CTNNA2: variants seen among roughly 807,000 people sequenced by gnomAD.
CTNNA2 encodes the protein catenin alpha-2.
CTNNA2 carries 42 observed loss-of-function variants against 101.0 expected under a neutral mutation model. The ratio of observed to expected loss-of-function variants is 0.42; its 90% CI spans 0.32 to 0.54. The LOEUF (loss-of-function observed/expected upper bound fraction) is 0.54. CTNNA2 is among the 20% of genes least tolerant of loss of function. The probability of loss-of-function intolerance (pLI) is 0.14; values close to 1 mark genes in which losing one functional copy is unlikely to be tolerated. For synonymous variants in CTNNA2, 450 were observed against 456.4 expected (o/e 0.99, Z 0.18); for missense variants, 871 against 1,223.1 (o/e 0.71, Z 4.29).
Position 79,749,072 on chromosome 2 carries a change from C to T in CTNNA2, c.298+4490C>T, listed in dbSNP as rs79992584. ...GCATGCAGTTCATATAGTACTTTCA[C>T]GTATCACCATTTACCTAACAACTTT... On this transcript the variant is annotated intron_variant, in intron 3 of 18. Transcript: ENST00000402739. 7.4e-3 allele frequency among the ~76,000 whole-genome samples: 1,130 copies of T among 152,214 alleles called. 27 individuals carry two copies. The highest frequency in any genetic ancestry group is 0.067 in the South Asian group (323 of 4,820).
intron 2 of CTNNA2, among the ~76,000 whole-genome samples, chr2:79,238,415 A>C (rs768923904): frequency 2.0e-5 from 3 of 151,972 alleles, no homozygotes; most frequent in Non-Finnish European, 4.4e-5. Flanking sequence ...ATATAAAAAT[A>C]ATGAAAAAGT....
At chr2:80,587,440 TCA>T (rs2149731466) in intron 14 of CTNNA2, among the ~76,000 whole-genome samples, 2 of 152,312 alleles carry the variant, frequency 1.3e-5, no homozygotes, top group Non-Finnish European at 2.9e-5. Context: ...ATGCTTACTT[TCA>T]TTTTATTTGA....
intron 7 of CTNNA2, among the ~76,000 whole-genome samples, chr2:80,035,630 G>T (rs1017332739): frequency 8.5e-5 from 13 of 152,070 alleles, no homozygotes; most frequent in Admixed American, 5.2e-4. Context: ...CAGCTCTAAT[G>T]CTAAGAGATA....
chr2:79,884,826 G>C (rs1352301780), intron 6 of CTNNA2, among the ~76,000 whole-genome samples: 1 of 150,402 alleles, frequency 6.6e-6, no homozygotes, highest in Non-Finnish European at 1.5e-5. Flanking sequence ...GGAAATATTG[G>C]AATGTTAACA....
rs1252144353 is a variant in CTNNA2 at position 80,251,233 on chromosome 2, C to G, written c.1057-141978C>G. The stretch of plus-strand genomic sequence containing the variant: ...GTCCATGTGCCAACTACGTCCGGCA[C>G]CCGGCATGTTCCTTAAACTTTACAT... On this transcript the variant is annotated intron_variant, in intron 7 of 18. Transcript: ENST00000402739. Among the ~76,000 whole-genome samples, 4 of 152,112 alleles carry G rather than the reference C, an allele frequency of 2.6e-5. No homozygotes were observed. The East Asian group carries it at 5.8e-4, about 22-fold the overall frequency.
At chr2:80,448,197 G>A (rs893380871) in intron 9 of CTNNA2, among the ~76,000 whole-genome samples, 2 of 152,094 alleles carry the variant, frequency 1.3e-5, no homozygotes, top group African/African-American at 4.8e-5. Flanking sequence ...GATCCTTTGT[G>A]AAATCCCAGA....
intron 6 of CTNNA2, among the ~76,000 whole-genome samples, chr2:79,883,752 T>C (rs1683626279): frequency 6.6e-6 from 1 of 152,186 alleles, no homozygotes; most frequent in African/African-American, 2.4e-5. Flanking sequence ...GGAATCTTGT[T>C]TTGTAGATGA....
chr2:80,156,236 T>C (rs79091124), intron 7 of CTNNA2, among the ~76,000 whole-genome samples: 1,806 of 152,268 alleles, frequency 0.012, 35 homozygotes, highest in African/African-American at 0.037. Context: ...CATTTGAAAC[T>C]CACTGTGAAT....
intron 4 of CTNNA2, among the ~76,000 whole-genome samples, chr2:79,494,557 CA>C (rs1671236228): frequency 6.6e-6 from 1 of 152,056 alleles, no homozygotes; most frequent in African/African-American, 2.4e-5. Context: ...AAATTCAGTA[CA>C]AAAGATTTTT....
intron 7 of CTNNA2, among the ~76,000 whole-genome samples, chr2:80,005,245 A>G (rs1364162484): frequency 6.6e-6 from 1 of 152,172 alleles, no homozygotes; most frequent in African/African-American, 2.4e-5. Context: ...ACAACGTAGA[A>G]GACATTCTGT....
At chr2:80,227,142 C>T (rs1247257448) in intron 7 of CTNNA2, among the ~76,000 whole-genome samples, 1 of 152,070 alleles carries the variant, frequency 6.6e-6, no homozygotes, top group Non-Finnish European at 1.5e-5. Flanking sequence ...CTTAGGGTTC[C>T]CTTTATTATA....
At chr2:79,315,858 T>C (rs1420332393) in intron 3 of CTNNA2, among the ~76,000 whole-genome samples, 2 of 152,132 alleles carry the variant, frequency 1.3e-5, no homozygotes, top group Non-Finnish European at 2.9e-5. Flanking sequence ...CACTTCATCA[T>C]TTTAAATTCC....
At chr2:79,539,272 T>C (rs1673261042) in intron 1 of CTNNA2, among the ~76,000 whole-genome samples, 1 of 152,174 alleles carries the variant, frequency 6.6e-6, no homozygotes, top group Non-Finnish European at 1.5e-5. Context: ...TTCATAATTG[T>C]TGAAACTTTT....
At chr2:79,539,706 C>T (rs1263805071) in intron 1 of CTNNA2, among the ~76,000 whole-genome samples, 1 of 152,168 alleles carries the variant, frequency 6.6e-6, no homozygotes, top group East Asian at 1.9e-4. Flanking sequence ...TTCTGGTCAC[C>T]TCAAGCCTGT....
chr2:79,573,841 T>A (rs1019200811), intron 1 of CTNNA2: 1 of 152,202 alleles, frequency 6.6e-6, no homozygotes, highest in Non-Finnish European at 1.5e-5. Flanking sequence ...TCCTGGCATT[T>A]ATTACAGAAA....
At chr2:79,466,359 G>A (rs993016454) in intron 4 of CTNNA2, among the ~76,000 whole-genome samples, 11 of 152,216 alleles carry the variant, frequency 7.2e-5, no homozygotes, top group African/African-American at 2.7e-4. Context: ...TGAGGTTTGA[G>A]TAGGTAAACA....
intron 17 of CTNNA2, among the ~76,000 whole-genome samples, chr2:80,610,480 T>C (rs1698370707): frequency 6.6e-6 from 1 of 151,690 alleles, no homozygotes; most frequent in African/African-American, 2.4e-5. Flanking sequence ...TAGTTTAATG[T>C]ACAATCAAAA....
chr2:79,601,418 C>T lies in CTNNA2; in HGVS notation c.-5-50134C>T, dbSNP rs559301157. 4.6e-5 allele frequency among the ~76,000 whole-genome samples: 7 copies of T among 152,248 alleles called. No individual in the cohort carries two copies. In the South Asian group the frequency reaches 1.4e-3, roughly 32 times the overall value. ...CATACCCTGCAAGGTTGTCCTGATT[C>T]GAGCCAGGGAGCTGGGCTCTCATAC... On this transcript the variant is annotated intron_variant, in intron 1 of 18. Transcript: ENST00000402739.
intron 7 of CTNNA2, among the ~76,000 whole-genome samples, chr2:79,981,612 C>T (rs1042428774): frequency 9.9e-5 from 15 of 152,122 alleles, no homozygotes; most frequent in Non-Finnish European, 1.3e-4. Context: ...AACACGGCCA[C>T]AGTACACAAT....
Sources: allele counts gnomAD v4.1 joint callset (sites outside exome capture counted in the v4.1 genomes callset), GRCh38; gene constraint gnomAD v4.1.1; transcripts MANE v1.5; gene names NCBI Gene and HGNC (gene_info 2026-07-23, HGNC 2026-07-21).